Variants in GRM4 observed in about 807,000 individuals in gnomAD.
The protein encoded by GRM4 is glutamate metabotropic receptor 4.
A neutral mutation model predicts 81.7 loss-of-function variants in GRM4; 28 were observed. The observed-to-expected ratio is 0.34, with a 90% CI of 0.25 to 0.47. The LOEUF is 0.47. Ranked by LOEUF, GRM4 falls within the 20% of genes least tolerant of loss-of-function variation. GRM4 has a pLI of 1.00. For synonymous variants in GRM4, 488 were observed against 528.8 expected, an observed-to-expected ratio of 0.92 and a Z score of 1.06; for missense variants, 948 against 1,290.0, an observed-to-expected ratio of 0.73 and a Z score of 4.06.
chr6:34,096,915 AGTGT>A (rs5875485), intron 2 of GRM4, among the ~76,000 whole-genome samples: 3 of 132,396 alleles, frequency 2.3e-5, no homozygotes, highest in African/African-American at 7.3e-5. Flanking sequence ...AGTACATCTG[AGTGT>A]GTGTGTGTGT....
chr6:34,113,805 G>A (rs1351389203), intron 2 of GRM4, among the ~76,000 whole-genome samples: 2 of 152,106 alleles, frequency 1.3e-5, no homozygotes, highest in East Asian at 1.9e-4. Context: ...TTTTTAAAAC[G>A]TAAGTCTAAT....
intron 9 of GRM4, among the ~76,000 whole-genome samples, chr6:34,028,608 C>T (rs545515164): frequency 5.9e-5 from 9 of 152,294 alleles, no homozygotes; most frequent in South Asian, 2.1e-4. Flanking sequence ...ATAATGTGGG[C>T]GTGATAATGA....
chr6:34,104,823 C>T lies in GRM4; in HGVS notation c.520-12724G>A, dbSNP rs1272379632. On this transcript the variant is annotated intron_variant, in intron 2 of 10. Transcript: ENST00000538487. Reference sequence around the variant, plus strand: ...AATTACATGACCCCTGCTGCACTGACGGGTAAGGACAGGGAGGCCTCCACA... The same window carrying T: ...AATTACATGACCCCTGCTGCACTGATGGGTAAGGACAGGGAGGCCTCCACA... 1.3e-5 allele frequency among the ~76,000 whole-genome samples: 2 copies of T among 152,138 alleles called. 1 individual carries two copies. Among genetic ancestry groups the T allele is most frequent in the South Asian group, 4.1e-4 (2 of 4,830 alleles).
Position 34,092,948 on chromosome 6 carries a change from A to G in GRM4, c.520-849T>C, listed in dbSNP as rs1435771998. On this transcript the variant is annotated intron_variant, in intron 2 of 10. Transcript: ENST00000538487. This position sits in a 1 kb window ranked among gnomAD's most constrained non-coding sequence, Gnocchi z 6.8. ...TCCCTCCTCTCCGCCCCTCCCCTCC[A>G]GGGCGCCACCCACTGCTCTGCTCTC... Among the ~76,000 whole-genome samples, 3 of 151,864 alleles carry G rather than the reference A, an allele frequency of 2.0e-5. No individual in the cohort carries two copies. The highest frequency in any genetic ancestry group is 7.3e-5 in the African/African-American group (3 of 41,344).
At chr6:34,056,463 CTCT>C (rs1765890590) in intron 6 of GRM4, 78 bp downstream of exon 6, 1 of 1,287,658 alleles carries the variant, frequency 7.8e-7, no homozygotes, top group African/African-American at 1.5e-5. Context: ...CAAAGGGAGA[CTCT>C]CGGCCTCAGG....
intron 2 of GRM4, among the ~76,000 whole-genome samples, chr6:34,104,462 T>C (rs1769017090): frequency 6.6e-6 from 1 of 152,228 alleles, no homozygotes; most frequent in Admixed American, 6.5e-5. Flanking sequence ...AATAATCCCA[T>C]GAAGTGAACA....
At chr6:34,079,623 C>T (rs1767481995) in intron 3 of GRM4, among the ~76,000 whole-genome samples, 1 of 152,252 alleles carries the variant, frequency 6.6e-6, no homozygotes, top group Admixed American at 6.5e-5. Flanking sequence ...AGAAAGGAGC[C>T]CTTGGTTGGG....
chr6:34,076,810 C>T (rs1767335930), intron 3 of GRM4, among the ~76,000 whole-genome samples: 1 of 152,172 alleles, frequency 6.6e-6, no homozygotes, highest in East Asian at 1.9e-4. Flanking sequence ...AAAACTTCCC[C>T]AGGCTCTTAG....
chr6:34,058,298 C>T (rs1233844871), intron 5 of GRM4, among the ~76,000 whole-genome samples: 5 of 152,178 alleles, frequency 3.3e-5, no homozygotes, highest in African/African-American at 1.2e-4. Flanking sequence ...GAGGACACTG[C>T]TGTGTGACTT....
upstream of GRM4, chr6:34,146,274 T>C: frequency 2.9e-6 from 1 of 339,444 alleles, no homozygotes; most frequent in Non-Finnish European, 4.2e-6. Flanking sequence ...TTGCCCCAGA[T>C]CTCACAGCCT....
At position 34,080,837 on chromosome 6, in the gene GRM4, CACACACACAT is replaced by C. The variant is rs369315466; in HGVS notation, c.736+11036_736+11045del. Among the ~76,000 whole-genome samples the C allele has an allele frequency of 3.3e-4, 44 of 134,638 alleles. No individual in the cohort carries two copies. The highest frequency in any genetic ancestry group is 3.6e-3 in the Middle Eastern group (1 of 276). The allele number at this position is 134,638 out of a possible 152,430, so 88.3% of individuals were successfully genotyped here. A position where few individuals can be genotyped will look rare whatever the true frequency, so the allele number is the denominator to read the frequency against. On this transcript the variant is annotated intron_variant, in intron 3 of 10. Coordinates refer to ENST00000538487, the MANE Select transcript of GRM4 (RefSeq NM_000841.4). The surrounding 1 kb of genome is among the most constrained non-coding windows in gnomAD (Gnocchi z 5.4). ...CTCTTCTCTCTCTCTCTCTCACACA[CACACACACAT>C]ACACACACACATACACATACATATA...
chr6:34,027,336 C>G (rs1764179947), intron 10 of GRM4, among the ~76,000 whole-genome samples: 1 of 152,146 alleles, frequency 6.6e-6, no homozygotes, highest in Non-Finnish European at 1.5e-5. Context: ...CCGTTACCAG[C>G]CCTGGAGGGA....
At chr6:34,072,135 C>T in intron 3 of GRM4, among the ~76,000 whole-genome samples, 1 of 149,614 alleles carries the variant, frequency 6.7e-6, no homozygotes, top group Non-Finnish European at 1.5e-5. Flanking sequence ...AGACACACAT[C>T]ACCACACAGA....
At chr6:34,128,126 C>T (rs1032655909) in intron 2 of GRM4, among the ~76,000 whole-genome samples, 4 of 152,220 alleles carry the variant, frequency 2.6e-5, no homozygotes, top group Non-Finnish European at 5.9e-5. Context: ...TCTGCTCGGT[C>T]TCAACACTGA....
intron 3 of GRM4, chr6:34,062,527 T>C (rs1411487442): frequency 6.9e-6 from 1 of 145,068 alleles, no homozygotes; most frequent in Non-Finnish European, 1.5e-5. Context: ...ATTATTTTTA[T>C]TGTAACCCGC....
intron 2 of GRM4, among the ~76,000 whole-genome samples, chr6:34,118,633 T>G (rs1441496570): frequency 6.6e-6 from 1 of 152,234 alleles, no homozygotes; most frequent in Non-Finnish European, 1.5e-5. Context: ...GAGTTCCCTA[T>G]TACTGTTCTC....
chr6:34,145,709 CG>C (rs1480773753), intron 1 of GRM4, among the ~76,000 whole-genome samples: 1 of 152,204 alleles, frequency 6.6e-6, no homozygotes, highest in East Asian at 1.9e-4. Flanking sequence ...CCGCTTGCCC[CG>C]GCGCCCACAG....
At chr6:34,053,342 C>T (rs1274701324) in intron 6 of GRM4, among the ~76,000 whole-genome samples, 2 of 152,212 alleles carry the variant, frequency 1.3e-5, no homozygotes, top group Non-Finnish European at 2.9e-5. Flanking sequence ...GGGACAGGCT[C>T]AGCTCAGGGG....
Position 34,056,642 on chromosome 6 carries a change from C to G in GRM4, c.1070G>C (p.Arg357Pro). The change falls in exon 6 of 11, where the codon CGG becomes CCG. Residue 357 changes from arginine (R) to proline (P), a missense_variant. Coordinates refer to ENST00000538487, the MANE Select transcript of GRM4 (RefSeq NM_000841.4). ...YFSSRTLDNNRRNIWFAEFWE... is the reference protein window; with the variant it reads ...YFSSRTLDNNPRNIWFAEFWE... Reference sequence around the variant, plus strand: ...GAACTCGGCAAACCAGATGTTGCGCCGGTTGTTGTCCAGCGTGCGGCTGGA... The same window carrying G: ...GAACTCGGCAAACCAGATGTTGCGCGGGTTGTTGTCCAGCGTGCGGCTGGA... The G allele has an allele frequency of 6.2e-7, 1 of 1,613,908 alleles. No individual in the cohort carries two copies. The highest frequency in any genetic ancestry group is 8.5e-7 in the Non-Finnish European group (1 of 1,179,982).
Sources: allele counts gnomAD v4.1 joint callset (sites outside exome capture counted in the v4.1 genomes callset), GRCh38; gene constraint gnomAD v4.1.1; non-coding constraint Gnocchi (gnomAD v3.1); transcripts MANE v1.5; gene names NCBI Gene and HGNC (gene_info 2026-07-23, HGNC 2026-07-21).